The following DRAM1 variants were observed in gnomAD, a reference collection of about 807,000 sequenced individuals.
DRAM1 encodes the protein DNA damage regulated autophagy modulator 1, also known as DNA damage-regulated autophagy modulator protein 1.
DRAM1 carries 25 observed loss-of-function variants against 28.5 expected under a neutral mutation model. That is an observed-to-expected ratio of 0.88 (90% confidence interval 0.64 to 1.23). The LOEUF is 1.23. Ranked by LOEUF, DRAM1 falls within the 50% of genes most tolerant of loss-of-function variation. The probability of loss-of-function intolerance (pLI) is 0.00; values close to 1 mark genes in which losing one functional copy is unlikely to be tolerated. For synonymous variants in DRAM1, 113 were observed against 114.2 expected (o/e 0.99, Z 0.07); for missense variants, 249 against 299.2 (o/e 0.83, Z 1.24).
intron 3 of DRAM1, 53 bp downstream of exon 3, chr12:101,901,486 A>G: frequency 6.3e-7 from 1 of 1,587,606 alleles, no homozygotes; most frequent in Non-Finnish European, 8.6e-7. Flanking sequence ...TATGTGTCTG[A>G]AGAGAGCAGC....
In DRAM1 at chr12:101,913,682, G is replaced by T. The variant is rs1594311206; in HGVS notation, c.521-492G>T. On this transcript the variant is annotated intron_variant, in intron 4 of 6. Coordinates refer to ENST00000258534, the MANE Select transcript of DRAM1 (RefSeq NM_018370.3). ...GATCGCGCCATTGCACTCCAGCCTG[G>T]GTGACAGAGCGAGAGTACGTCTCAA... is the stretch of plus-strand genomic sequence containing the variant. 2.7e-5 allele frequency among the ~76,000 whole-genome samples: 4 copies of T among 146,682 alleles called. No homozygotes were observed. The South Asian group carries it at 8.7e-4, about 32-fold the overall frequency.
chr12:101,880,669 T>C (rs1872659715), intron 1 of DRAM1, among the ~76,000 whole-genome samples: 1 of 152,170 alleles, frequency 6.6e-6, no homozygotes, highest in Non-Finnish European at 1.5e-5. Flanking sequence ...GTGATATTCA[T>C]TGGCCAGGCT....
At chr12:101,915,750 C>T (rs373483836) in intron 5 of DRAM1, among the ~76,000 whole-genome samples, 3 of 151,038 alleles carry the variant, frequency 2.0e-5, no homozygotes, top group African/African-American at 4.9e-5. Context: ...TTAGTAGAGA[C>T]GGGATTTCAC....
intron 3 of DRAM1, 145 bp downstream of exon 3, chr12:101,901,578 A>G (rs1454611212): frequency 2.1e-6 from 2 of 968,018 alleles, no homozygotes; most frequent in African/African-American, 1.7e-5. Flanking sequence ...TTTGCTTTTT[A>G]GAAACCTTTA....
chr12:101,908,624 C>CT (rs1206122209), intron 4 of DRAM1, among the ~76,000 whole-genome samples: 3 of 151,922 alleles, frequency 2.0e-5, no homozygotes, highest in Non-Finnish European at 2.9e-5. Context: ...TAACAGGATT[C>CT]TTATTGAGTA....
intron 2 of DRAM1, among the ~76,000 whole-genome samples, chr12:101,900,091 C>T (rs1279107585): frequency 1.3e-5 from 2 of 152,162 alleles, no homozygotes; most frequent in South Asian, 2.1e-4. Context: ...GAGTTTACAA[C>T]AGCCAACAAA....
chr12:101,918,421 G>C (rs1424014131), intron 5 of DRAM1, among the ~76,000 whole-genome samples: 1 of 152,214 alleles, frequency 6.6e-6, no homozygotes, highest in Non-Finnish European at 1.5e-5. Flanking sequence ...CCCTGGTACT[G>C]GTACCAGAAG....
intron 1 of DRAM1, among the ~76,000 whole-genome samples, chr12:101,886,334 C>A (rs1872887269): frequency 6.6e-6 from 1 of 152,198 alleles, no homozygotes; most frequent in African/African-American, 2.4e-5. Context: ...TACTTGACTT[C>A]TCTCTGCTTC....
Position 101,914,167 on chromosome 12 carries a change from C to T in DRAM1, c.521-7C>T. On this transcript the variant is annotated splice_region_variant and splice_polypyrimidine_tract_variant and intron_variant, in intron 4 of 6. Coordinates refer to ENST00000258534, the MANE Select transcript of DRAM1 (RefSeq NM_018370.3). ...CTGTAGTTTCCTTAACTGTTTACTT[C>T]TTTCAGTGATTGTCTGTGCTTCACT... is the stretch of plus-strand genomic sequence containing the variant. 6.2e-7 allele frequency: 1 copy of T among 1,600,808 alleles called. No individual in the cohort carries two copies. The highest frequency in any genetic ancestry group is 8.5e-7 in the Non-Finnish European group (1 of 1,174,086).
At chr12:101,919,297 C>T (rs1001671654) in intron 5 of DRAM1, among the ~76,000 whole-genome samples, 3 of 136,644 alleles carry the variant, frequency 2.2e-5, no homozygotes, top group Non-Finnish European at 4.6e-5. Flanking sequence ...CACACACACA[C>T]ACACACACGG....
At chr12:101,906,671 T>G (rs1339905301) in intron 3 of DRAM1, among the ~76,000 whole-genome samples, 2 of 151,778 alleles carry the variant, frequency 1.3e-5, no homozygotes, top group Non-Finnish European at 2.9e-5. Flanking sequence ...CTGGCCAACA[T>G]GGAGAAACCC....
At chr12:101,878,447 C>T (rs904455865) in intron 1 of DRAM1, among the ~76,000 whole-genome samples, 2 of 152,186 alleles carry the variant, frequency 1.3e-5, no homozygotes, top group Non-Finnish European at 2.9e-5. Context: ...AATTCACACC[C>T]GGCCATGCAG....
intron 5 of DRAM1, among the ~76,000 whole-genome samples, chr12:101,915,603 C>A (rs982042829): frequency 6.6e-6 from 1 of 150,790 alleles, no homozygotes; most frequent in Non-Finnish European, 1.5e-5. Flanking sequence ...AGTGCAATGG[C>A]GCGATCTCGG....
At chr12:101,880,391 A>T (rs1872653197) in intron 1 of DRAM1, among the ~76,000 whole-genome samples, 1 of 146,064 alleles carries the variant, frequency 6.8e-6, no homozygotes, top group Non-Finnish European at 1.5e-5. Flanking sequence ...GGTTCAAGCA[A>T]TTCTCCTGAC....
rs1337408960 is a variant in DRAM1 at position 101,922,249 on chromosome 12, A to G, written c.*989A>G. ...GATGTCCCACAACACTATAAGAAAT[A>G]TAAGTCAAGCCCTTTGTGTTAAGCA... is the stretch of plus-strand genomic sequence containing the variant. On this transcript the variant is annotated 3_prime_UTR_variant, in exon 7 of 7. Transcript: ENST00000258534. 6 of 152,368 alleles carry G rather than the reference A, an allele frequency of 3.9e-5. No homozygotes were observed. In the East Asian group the frequency reaches 9.6e-4, roughly 24 times the overall value. The allele number at this position is 152,368 out of a possible 1,614,324, so 9.4% of individuals were successfully genotyped here. A position where few individuals can be genotyped will look rare whatever the true frequency, so the allele number is the denominator to read the frequency against.
chr12:101,918,924 T>C (rs868344290), intron 5 of DRAM1, among the ~76,000 whole-genome samples: 1 of 152,080 alleles, frequency 6.6e-6, no homozygotes, highest in Middle Eastern at 3.4e-3. Flanking sequence ...ATTTTATTAT[T>C]ATTATTATTA....
chr12:101,879,172 A>AT, intron 1 of DRAM1, among the ~76,000 whole-genome samples: 1 of 151,836 alleles, frequency 6.6e-6, no homozygotes, highest in African/African-American at 2.4e-5. Flanking sequence ...ATTTTTTTGT[A>AT]TTTTTAGTAG....
chr12:101,920,740 C>T (rs1048957373), intron 6 of DRAM1, among the ~76,000 whole-genome samples: 1 of 151,982 alleles, frequency 6.6e-6, no homozygotes, highest in African/African-American at 2.4e-5. Context: ...GGAGAAACCC[C>T]GTCTCTACTA....
At position 101,908,329 on chromosome 12, in the gene DRAM1, C is replaced by T. The variant is rs770803171; in HGVS notation, c.486C>T (p.Val162=). 2.5e-6 allele frequency: 4 copies of T among 1,612,916 alleles called. No individual in the cohort carries two copies. Among genetic ancestry groups the T allele is most frequent in the Non-Finnish European group, 3.4e-6 (4 of 1,179,712 alleles). ...NSLSTCHIRM[V]ISAVSCAAVI... is the part of the protein sequence containing the mutation. Reference sequence around the variant, plus strand: ...TCTCGACATGCCACATACGGATGGTCATCTCTGCCGTTTCTTGCGCAGCTG... The same window carrying T: ...TCTCGACATGCCACATACGGATGGTTATCTCTGCCGTTTCTTGCGCAGCTG... The change falls in exon 4 of 7, where the codon GTC becomes GTT. Residue 162 remains valine (V), a synonymous_variant. Transcript: ENST00000258534.
Sources: gnomAD v4.1 joint callset for allele counts (sites outside exome capture counted in the v4.1 genomes callset) on GRCh38, gnomAD v4.1.1 for gene constraint, MANE v1.5 for transcripts, NCBI Gene and HGNC (gene_info 2026-07-23, HGNC 2026-07-21) for gene names.